TMSB15A: variants seen among roughly 807,000 people sequenced by gnomAD.
TMSB15A encodes the protein thymosin beta-15A.
In TMSB15A, 1 loss-of-function variant was observed where a neutral mutation model predicts 3.2. That is an observed-to-expected ratio of 0.32 (90% CI 0.11 to 1.50). The LOEUF (loss-of-function observed/expected upper bound fraction) is 1.50. TMSB15A is among the 40% of genes most tolerant of loss of function. The pLI, the probability that TMSB15A is intolerant of heterozygous loss-of-function variation, is 0.39. For missense variants in TMSB15A, 22 were observed against 27.8 expected, an observed-to-expected ratio of 0.79 and a Z score of 0.47; for synonymous variants, 10 against 11.2, an observed-to-expected ratio of 0.90 and a Z score of 0.21.
chrX:102,514,202 T>C, intron 2 of TMSB15A, 78 bp from the exon 3 acceptor site: 3 of 1,120,715 alleles, frequency 2.7e-6, no homozygotes, highest in Non-Finnish European at 2.5e-6. Context: ...AGCTCCTTGC[T>C]AAGTCATCGA....
intron 1 of TMSB15A, among the ~76,000 whole-genome samples, chrX:102,516,341 C>G (rs1251482779): frequency 8.8e-6 from 1 of 113,120 alleles, no homozygotes; most frequent in South Asian, 3.6e-4. Flanking sequence ...CCATTCCGGG[C>G]GGCCTCCAAA....
chrX:102,514,512 A>T (rs1934873293), intron 2 of TMSB15A, among the ~76,000 whole-genome samples: 1 of 112,326 alleles, frequency 8.9e-6, no homozygotes, highest in South Asian at 3.7e-4. Flanking sequence ...CAAGACAAAA[A>T]GTTCCCCTCA....
Position 102,513,793 on chromosome X carries a change from T to C in TMSB15A, c.*294A>G, listed in dbSNP as rs41306275. 9.9e-6 allele frequency: 3 copies of C among 302,406 alleles called. No individual in the cohort carries two copies. The highest frequency in any genetic ancestry group is 1.0e-4 in the Admixed American group (2 of 19,310). 24.9% of individuals were successfully genotyped at this position (302,406 alleles called of 1,213,427 possible). A position where few individuals can be genotyped will look rare whatever the true frequency, so the allele number is the denominator to read the frequency against. ...TATGAAGCAATGGAAGCACCCATCA[T>C]AGCAGGTTAAAACAGGCTTATCCAG... On this transcript the variant is annotated 3_prime_UTR_variant, in exon 3 of 3. Coordinates refer to ENST00000289373, the MANE Select transcript of TMSB15A (RefSeq NM_021992.3).
intron 2 of TMSB15A, among the ~76,000 whole-genome samples, chrX:102,514,437 A>T (rs782401499): frequency 1.8e-5 from 2 of 112,504 alleles, no homozygotes; most frequent in African/African-American, 6.5e-5. Flanking sequence ...TTATCTATCC[A>T]TATACAACTA....
Position 102,513,920 on chromosome X carries a change from A to G in TMSB15A, c.*167T>C. ...GCACCAATGGTAAGTTTAAAAATGA[A>G]TTTAAGGAAACATTGGCTACCTCTG... On this transcript the variant is annotated 3_prime_UTR_variant, in exon 3 of 3. Coordinates refer to ENST00000289373, the MANE Select transcript of TMSB15A (RefSeq NM_021992.3). 1.8e-6 allele frequency: 1 copy of G among 543,128 alleles called. No homozygotes were observed. Among genetic ancestry groups the G allele is most frequent in the South Asian group, 3.0e-5 (1 of 33,598 alleles). The allele number at this position is 543,128 out of a possible 1,213,427, so 44.8% of individuals were successfully genotyped here.
rs374838815 is a variant in TMSB15A, at chrX:102,515,123, T to A, written c.41A>T (p.Asp14Val). ...KPDLSEVEKF[D>V]RSKLKKTNTE... Reference sequence around the variant, plus strand: ...ATTAGTTTTCTTCAGTTTTGACCTGTCAAACTTCTCCACTTCCGACAAGTC... The same window carrying A: ...ATTAGTTTTCTTCAGTTTTGACCTGACAAACTTCTCCACTTCCGACAAGTC... The change falls in exon 2 of 3, where the codon GAC becomes GTC. Residue 14 changes from aspartate to valine, a missense_variant. By Grantham distance (152) the Asp-to-Val change is radical (BLOSUM62 -3). Coordinates refer to ENST00000289373, the MANE Select transcript of TMSB15A (RefSeq NM_021992.3). 1.2e-5 allele frequency: 15 copies of A among 1,209,652 alleles called. No homozygotes were observed. Among genetic ancestry groups the A allele is most frequent in the Non-Finnish European group, 1.7e-5 (15 of 895,167 alleles).
chrX:102,515,403 G>C (rs1293808236), intron 1 of TMSB15A, among the ~76,000 whole-genome samples: 1 of 111,579 alleles, frequency 9.0e-6, no homozygotes, highest in African/African-American at 3.3e-5. Flanking sequence ...CGTTGGATCA[G>C]AACGCACCAG....
intron 1 of TMSB15A, among the ~76,000 whole-genome samples, chrX:102,516,240 T>A (rs950575724): frequency 2.3e-4 from 26 of 112,598 alleles, no homozygotes; most frequent in African/African-American, 8.4e-4. Flanking sequence ...AAGAGCAGTT[T>A]GCATACTTTT....
At chrX:102,514,267 A>C in intron 2 of TMSB15A, 143 bp from the exon 3 acceptor site, 1 of 613,855 alleles carries the variant, frequency 1.6e-6, no homozygotes, top group Non-Finnish European at 2.7e-6. Flanking sequence ...ACAAATCCTC[A>C]CATTAGGGTG....
chrX:102,516,565 G>C (rs1259072122), intron 1 of TMSB15A, 101 bp downstream of exon 1: 1 of 113,006 alleles, frequency 8.8e-6, no homozygotes, highest in Admixed American at 9.2e-5. Flanking sequence ...CCCCAACCTC[G>C]GCTCCTCTGG....
At chrX:102,515,394 G>A (rs1934883165) in intron 1 of TMSB15A, among the ~76,000 whole-genome samples, 2 of 111,566 alleles carry the variant, frequency 1.8e-5, no homozygotes, top group Admixed American at 9.5e-5. Flanking sequence ...AGTAAATGCC[G>A]TTGGATCAGA....
chrX:102,514,726 T>C (rs1416836408), intron 2 of TMSB15A, among the ~76,000 whole-genome samples: 1 of 112,160 alleles, frequency 8.9e-6, no homozygotes, highest in African/African-American at 3.2e-5. Context: ...CCCAAACTGA[T>C]GGATGCAGAA....
intron 2 of TMSB15A, 87 bp downstream of exon 2, chrX:102,514,977 G>T: frequency 9.6e-7 from 1 of 1,043,271 alleles, no homozygotes; most frequent in Non-Finnish European, 1.3e-6. Flanking sequence ...TTACTTTGTG[G>T]CAAAAATTTA....
chrX:102,514,994 G>A (rs1934878230), intron 2 of TMSB15A, 70 bp downstream of exon 2: 4 of 1,106,444 alleles, frequency 3.6e-6, no homozygotes, highest in Non-Finnish European at 4.9e-6. Flanking sequence ...TTTACTAGAA[G>A]ATAGGTTTAT....
Position 102,514,104 on chromosome X carries a change from A to G in TMSB15A, c.121T>C (p.Cys41Arg), listed in dbSNP as rs1472527398. The change falls in exon 3 of 3, where the codon TGT (cysteine) becomes CGT (arginine). Residue 41 changes from cysteine (C) to arginine (R), a missense_variant. Coordinates refer to ENST00000289373, the MANE Select transcript of TMSB15A (RefSeq NM_021992.3). ...SKETIQQEKE[C>R]VQTS is the part of the protein sequence containing the mutation. ...TCCCCATTTTATGATGTTTGAACAC[A>G]CTCTTTCTCTTGCTGGATAGCTGGG... 2 of 1,211,203 alleles carry G rather than the reference A, an allele frequency of 1.7e-6. No homozygotes were observed. The highest frequency in any genetic ancestry group is 2.2e-6 in the Non-Finnish European group (2 of 895,244).
At chrX:102,516,474 A>G (rs964758443) in intron 1 of TMSB15A, among the ~76,000 whole-genome samples, 192 bp downstream of exon 1, 2 of 112,389 alleles carry the variant, frequency 1.8e-5, no homozygotes, top group Non-Finnish European at 3.8e-5. Context: ...AGGGCTCGGC[A>G]TCGAGCGCAG....
chrX:102,514,210 C>T (rs1323112791), intron 2 of TMSB15A, 86 bp from the exon 3 acceptor site: 5 of 1,076,399 alleles, frequency 4.6e-6, no homozygotes, highest in Non-Finnish European at 5.2e-6. Context: ...GCTAAGTCAT[C>T]GAAGTCTGCA....
At chrX:102,514,307 T>C (rs952310409) in intron 2 of TMSB15A, among the ~76,000 whole-genome samples, 183 bp from the exon 3 acceptor site, 6 of 112,387 alleles carry the variant, frequency 5.3e-5, no homozygotes, top group Non-Finnish European at 1.1e-4. Context: ...GTTAACTACC[T>C]GAATATTCAC....
At chrX:102,514,210 C>G (rs1323112791) in intron 2 of TMSB15A, 86 bp from the exon 3 acceptor site, 8 of 1,076,400 alleles carry the variant, frequency 7.4e-6, no homozygotes, top group Non-Finnish European at 1.0e-5. Flanking sequence ...GCTAAGTCAT[C>G]GAAGTCTGCA....
Sources: gnomAD v4.1 joint callset for allele counts (sites outside exome capture counted in the v4.1 genomes callset) on GRCh38, gnomAD v4.1.1 for gene constraint, MANE v1.5 for transcripts, NCBI Gene and HGNC (gene_info 2026-07-23, HGNC 2026-07-21) for gene names.